SLC41A3: variants seen among roughly 807,000 people sequenced by gnomAD.
The protein encoded by SLC41A3 is solute carrier family 41 member 3.
SLC41A3 carries 44 observed loss-of-function variants against 45.4 expected under a neutral mutation model. The observed-to-expected ratio is 0.97, with a 90% CI of 0.76 to 1.25. The LOEUF is 1.25. SLC41A3 is among the 50% of genes most tolerant of loss of function. The probability of loss-of-function intolerance (pLI) is 0.00; values close to 1 mark genes in which losing one functional copy is unlikely to be tolerated. For missense variants in SLC41A3, 550 were observed against 600.6 expected (o/e 0.92, Z 0.88); for synonymous variants, 256 against 252.4 (o/e 1.01, Z -0.13).
rs558046013 is a variant in SLC41A3, at chr3:126,030,326, A to G, written c.453+3281T>C. Among the ~76,000 whole-genome samples, 2 of 149,822 alleles carry G rather than the reference A, an allele frequency of 1.3e-5. 1 individual carries two copies. The highest frequency in any genetic ancestry group is 4.2e-4 in the South Asian group (2 of 4,788). On this transcript the variant is annotated intron_variant, in intron 4 of 10. Transcript: ENST00000360370. Reference sequence around the variant, plus strand: ...CATATATACACAAGTCCATTTATACACTGGACTTCATTATTCTAGATACTA... The same window carrying G: ...CATATATACACAAGTCCATTTATACGCTGGACTTCATTATTCTAGATACTA...
rs769226481 is a variant in SLC41A3 at position 126,022,912 on chromosome 3, C to T, written c.619G>A (p.Val207Met). 3 of 1,614,216 alleles carry T rather than the reference C, an allele frequency of 1.9e-6. No individual in the cohort carries two copies. Among genetic ancestry groups the T allele is most frequent in the Non-Finnish European group, 2.5e-6 (3 of 1,180,030 alleles). Residue 207 changes from valine (V) to methionine (M), a missense_variant, in exon 6 of 11, where the codon GTG (valine) becomes ATG (methionine). Transcript: ENST00000360370. ...ACCCCGAGCTTTCGAGCACCAATCACTATACAGACCATCAGCACCCCTGCA... is the reference window on the plus strand; with the variant it reads ...ACCCCGAGCTTTCGAGCACCAATCATTATACAGACCATCAGCACCCCTGCA... ...FALGVLMVCIVIGARKLGVNP... is the reference protein window; with the variant it reads ...FALGVLMVCIMIGARKLGVNP...
At chr3:126,037,468 T>C (rs557423814) in intron 3 of SLC41A3, among the ~76,000 whole-genome samples, 16 of 152,270 alleles carry the variant, frequency 1.1e-4, no homozygotes, top group Admixed American at 8.5e-4. Context: ...TATTGGGAAC[T>C]AGAGAAAAGG....
At chr3:126,062,982 C>T (rs186853120) in intron 2 of SLC41A3, among the ~76,000 whole-genome samples, 14 of 152,238 alleles carry the variant, frequency 9.2e-5, no homozygotes, top group African/African-American at 3.1e-4. Flanking sequence ...GGCTGATGGC[C>T]GTAAGTTGTC....
At chr3:126,044,757 G>A (rs957510504) in intron 3 of SLC41A3, among the ~76,000 whole-genome samples, 8 of 151,640 alleles carry the variant, frequency 5.3e-5, no homozygotes, top group Non-Finnish European at 8.8e-5. Flanking sequence ...TTAGCCGGGC[G>A]TAGTGGTGGG....
At chr3:126,022,954 A>G in intron 5 of SLC41A3, 22 bp from the exon 6 acceptor site, 1 of 1,613,376 alleles carries the variant, frequency 6.2e-7, no homozygotes, top group African/African-American at 1.3e-5. Flanking sequence ...GAGAGGAGAA[A>G]CAGCAGACTC....
chr3:126,016,568 A>G (rs996905970), intron 7 of SLC41A3, among the ~76,000 whole-genome samples, 163 bp downstream of exon 7: 1 of 152,048 alleles, frequency 6.6e-6, no homozygotes, highest in African/African-American at 2.4e-5. Context: ...GGAGAGAAGA[A>G]AGGAAAAAAG....
At chr3:126,080,837 G>A (rs1945112634) in intron 1 of SLC41A3, among the ~76,000 whole-genome samples, 1 of 152,136 alleles carries the variant, frequency 6.6e-6, no homozygotes, top group Non-Finnish European at 1.5e-5. Context: ...TGTAGTTCCA[G>A]CTACTTGGGA....
Position 126,033,607 on chromosome 3 carries a change from C to T in SLC41A3, c.453G>A (p.Gln151=). The T allele has an allele frequency of 6.2e-7, 1 of 1,611,926 alleles. No homozygotes were observed. Among genetic ancestry groups the T allele is most frequent in the Non-Finnish European group, 8.5e-7 (1 of 1,179,560 alleles). The change falls in exon 4 of 11, where the codon CAG becomes CAA. Residue 151 remains glutamine (Q), a splice_region_variant and synonymous_variant. Coordinates refer to ENST00000360370, the MANE Select transcript of SLC41A3 (RefSeq NM_017836.4). ...AGGGTCGGACAAGGTGAAGACTCAC[C>T]TGGATGAGGGCCAGGTTGCTGCTGA... is the stretch of plus-strand genomic sequence containing the variant. ...RVISSNLALI[Q]VQATVVGLLA...
intron 2 of SLC41A3, among the ~76,000 whole-genome samples, chr3:126,064,763 T>C (rs1944264746): frequency 6.6e-6 from 1 of 152,198 alleles, no homozygotes; most frequent in Non-Finnish European, 1.5e-5. Context: ...TCCCGGCACA[T>C]GCACACAATG....
chr3:126,061,289 T>C (rs1944052841), intron 2 of SLC41A3, among the ~76,000 whole-genome samples: 1 of 152,220 alleles, frequency 6.6e-6, no homozygotes, highest in African/African-American at 2.4e-5. Flanking sequence ...GCTTCTGATC[T>C]CGACTGGCAG....
intron 1 of SLC41A3, chr3:126,095,374 C>T: frequency 5.8e-6 from 3 of 520,036 alleles, no homozygotes; most frequent in South Asian, 2.9e-5. Context: ...CACCGGAGGA[C>T]AGATCAAGAA....
In SLC41A3 at chr3:126,067,921, C is replaced by A. The variant is rs369461793; in HGVS notation, c.273+26G>T. 12 of 1,560,326 alleles carry A rather than the reference C, an allele frequency of 7.7e-6. No individual in the cohort carries two copies. In the East Asian group the frequency reaches 2.7e-4, roughly 35 times the overall value. ...GGTGATGTTCGGCAGTGCCCCGCTC[C>A]CTGTCCCCATTTAGTTCCCTCTTAC... On this transcript the variant is annotated intron_variant, in intron 2 of 10. Transcript: ENST00000360370.
In SLC41A3 at chr3:126,067,511, G is replaced by C. The variant is rs776109306; in HGVS notation, c.273+436C>G. The C allele has an allele frequency of 8.4e-5, 33 of 393,064 alleles. No individual in the cohort carries two copies. In the Admixed American group the frequency reaches 9.6e-4, roughly 11 times the overall value. The allele number at this position is 393,064 out of a possible 1,614,324, so 24.3% of individuals were successfully genotyped here. A position where few individuals can be genotyped will look rare whatever the true frequency, so the allele number is the denominator to read the frequency against. On this transcript the variant is annotated intron_variant, in intron 2 of 10. Coordinates refer to ENST00000360370, the MANE Select transcript of SLC41A3 (RefSeq NM_017836.4). ...CTGAAGACACGGAGAAAAGGCAGCC[G>C]TCTGCAAGCCAAGGAGAGGCCACAG...
At chr3:126,090,275 GT>G (rs1157378400) in intron 1 of SLC41A3, among the ~76,000 whole-genome samples, 5 of 152,128 alleles carry the variant, frequency 3.3e-5, no homozygotes, top group Non-Finnish European at 1.5e-5. Flanking sequence ...AGGAGCCTAT[GT>G]GGCTAATCAA....
intron 1 of SLC41A3, among the ~76,000 whole-genome samples, chr3:126,098,293 G>A (rs1242376410): frequency 1.3e-5 from 2 of 152,102 alleles, no homozygotes; most frequent in African/African-American, 4.8e-5. Flanking sequence ...AGATAGGGGA[G>A]ACCTCCCTCT....
At chr3:126,091,566 G>A (rs957909196) in intron 1 of SLC41A3, among the ~76,000 whole-genome samples, 1 of 152,170 alleles carries the variant, frequency 6.6e-6, no homozygotes, top group Non-Finnish European at 1.5e-5. Context: ...GGTTGTGGAG[G>A]CCAAGGTTTT....
chr3:126,043,683 G>T (rs781776622), intron 3 of SLC41A3, among the ~76,000 whole-genome samples: 1 of 151,882 alleles, frequency 6.6e-6, no homozygotes, highest in Admixed American at 6.6e-5. Flanking sequence ...GCTGCTATCA[G>T]TTTAAGGTAA....
At chr3:126,068,553 G>A (rs77250767) in intron 1 of SLC41A3, among the ~76,000 whole-genome samples, 1,917 of 152,242 alleles carry the variant, frequency 0.013, 38 homozygotes, top group African/African-American at 0.044. Flanking sequence ...AGCAAAAACT[G>A]TCAAAATCAT....
intron 1 of SLC41A3, among the ~76,000 whole-genome samples, chr3:126,100,380 C>A (rs1056890336): frequency 6.6e-6 from 1 of 152,212 alleles, no homozygotes; most frequent in Non-Finnish European, 1.5e-5. Context: ...TCTGGAAAGA[C>A]TTCTGGTGAA....
Sources: gnomAD v4.1 joint callset for allele counts (sites outside exome capture counted in the v4.1 genomes callset) on GRCh38, gnomAD v4.1.1 for gene constraint, MANE v1.5 for transcripts, NCBI Gene and HGNC (gene_info 2026-07-23, HGNC 2026-07-21) for gene names.